The following LYPLA1 variants were observed in gnomAD, a reference collection of about 807,000 sequenced individuals.
LYPLA1 encodes the protein lysophospholipase 1, also known as acyl-protein thioesterase 1.
A neutral mutation model predicts 34.0 loss-of-function variants in LYPLA1; 17 were observed. The observed-to-expected ratio is 0.50, with a 90% confidence interval of 0.34 to 0.75. The LOEUF is 0.75. LYPLA1 is among the 30% of genes least tolerant of loss of function. The probability of loss-of-function intolerance (pLI) is 0.01; values close to 1 mark genes in which losing one functional copy is unlikely to be tolerated. For synonymous variants in LYPLA1, 98 were observed against 100.8 expected (o/e 0.97, Z 0.17); for missense variants, 203 against 288.8 (o/e 0.70, Z 2.15).
At chr8:54,051,847 CTT>C (rs757045729) in intron 7 of LYPLA1, among the ~76,000 whole-genome samples, 6 of 130,388 alleles carry the variant, frequency 4.6e-5, no homozygotes, top group Admixed American at 7.7e-5. Flanking sequence ...ATTCAGCTAT[CTT>C]TTTTTTTTTT....
At position 54,062,290 on chromosome 8, in the gene LYPLA1, C is replaced by A. The variant is rs750847085; in HGVS notation, c.250G>T (p.Glu84Ter). 1.2e-6 allele frequency: 2 copies of A among 1,607,276 alleles called. No homozygotes were observed. Among genetic ancestry groups the A allele is most frequent in the Admixed American group, 1.7e-5 (1 of 58,962 alleles). Residue 84 changes from glutamate (E) to a stop codon, truncating the protein, a stop_gained, in exon 5 of 9, where the codon GAG becomes TAG. Coordinates refer to ENST00000316963, the MANE Select transcript of LYPLA1 (RefSeq NM_006330.4). LOFTEE classifies it high-confidence loss of function. ...GCCTGTTTAATCCCAGATTCATCCT[C>A]CTGTGAATCTGGTGAAAGCCCAATA... ...DIIGLSPDSQ[E>*]DESGIKQAAE...
intron 2 of LYPLA1, among the ~76,000 whole-genome samples, chr8:54,084,133 A>AAAAAAAAAAAAAAATTTTTTTAT (rs1373090573): frequency 1.7e-5 from 2 of 120,484 alleles, no homozygotes; most frequent in Non-Finnish European, 3.1e-5. Context: ...AGAAAAAAAA[A>AAAAAAAAAAAAAAATTTTTTTAT]ATAAATAAAT....
At chr8:54,066,184 G>C (rs970508937) in intron 2 of LYPLA1, among the ~76,000 whole-genome samples, 2 of 151,970 alleles carry the variant, frequency 1.3e-5, no homozygotes, top group African/African-American at 2.4e-5. Flanking sequence ...TGATCCGCTC[G>C]CCTCGGCCTC....
intron 5 of LYPLA1, among the ~76,000 whole-genome samples, chr8:54,061,604 T>C (rs13277892): frequency 0.019 from 2,932 of 152,112 alleles, 52 homozygotes; most frequent in Non-Finnish European, 0.025. Context: ...GGAGACCCTG[T>C]GTCTACAAAA....
chr8:54,076,076 T>C (rs1773533973), intron 2 of LYPLA1, among the ~76,000 whole-genome samples: 1 of 152,196 alleles, frequency 6.6e-6, no homozygotes, highest in Non-Finnish European at 1.5e-5. Context: ...ACCACAGCAG[T>C]ATAGTGGCAC....
At chr8:54,069,569 C>T (rs1166475151) in intron 2 of LYPLA1, among the ~76,000 whole-genome samples, 2 of 152,026 alleles carry the variant, frequency 1.3e-5, no homozygotes, top group African/African-American at 4.8e-5. Flanking sequence ...TGAAAATTAG[C>T]TGGGCGTGGT....
intron 3 of LYPLA1, among the ~76,000 whole-genome samples, chr8:54,065,494 A>AT (rs1586107648): frequency 6.6e-6 from 1 of 151,638 alleles, no homozygotes; most frequent in Non-Finnish European, 1.5e-5. Context: ...AAATAAAATA[A>AT]TTTTTCTGGT....
At chr8:54,081,826 T>C (rs1232702507) in intron 2 of LYPLA1, among the ~76,000 whole-genome samples, 3 of 151,598 alleles carry the variant, frequency 2.0e-5, no homozygotes, top group Non-Finnish European at 4.4e-5. Flanking sequence ...GCCTCCCAGG[T>C]TCAAGTGATT....
intron 1 of LYPLA1, chr8:54,101,356 G>A: frequency 6.6e-6 from 7 of 1,058,836 alleles, no homozygotes; most frequent in Non-Finnish European, 8.0e-6. Flanking sequence ...TGACCTTGTA[G>A]GACACTCAAT....
chr8:54,064,271 C>A (rs1334487410), intron 3 of LYPLA1, among the ~76,000 whole-genome samples: 4 of 24 alleles, frequency 0.17, no homozygotes, highest in Non-Finnish European at 0.2. Context: ...AAAAAATTAG[C>A]CCAGGCATGG....
chr8:54,062,456 TTTAA>T (rs1215497206), intron 4 of LYPLA1, 132 bp from the exon 5 acceptor site: 34 of 326,332 alleles, frequency 1.0e-4, no homozygotes, highest in South Asian at 8.1e-4. Flanking sequence ...AATTTATCTA[TTTAA>T]TTAATTTATT....
At chr8:54,063,519 C>T (rs1806815718) in intron 3 of LYPLA1, 144 bp from the exon 4 acceptor site, 2 of 643,130 alleles carry the variant, frequency 3.1e-6, no homozygotes, top group Admixed American at 6.6e-5. Context: ...TTATTTCATC[C>T]ACACCTGTAC....
In LYPLA1 at chr8:54,065,827, C is replaced by A; in HGVS notation, c.102-14G>T. The A allele has an allele frequency of 6.3e-7, 1 of 1,594,466 alleles. No individual in the cohort carries two copies. Among genetic ancestry groups the A allele is most frequent in the Non-Finnish European group, 8.6e-7 (1 of 1,162,180 alleles). On this transcript the variant is annotated splice_polypyrimidine_tract_variant and intron_variant, in intron 2 of 8. Coordinates refer to ENST00000316963, the MANE Select transcript of LYPLA1 (RefSeq NM_006330.4). ...GCCCATCCGTGCCTGGTGGAAAAAT[C>A]ATTGAATAATGCTATTAGACACTGT...
chr8:54,061,673 T>C (rs1175814497), intron 5 of LYPLA1, among the ~76,000 whole-genome samples: 1 of 152,008 alleles, frequency 6.6e-6, no homozygotes, highest in Admixed American at 6.6e-5. Context: ...CCCAGCCTAC[T>C]CAGGAGGATG....
At chr8:54,054,904 G>C in intron 6 of LYPLA1, 156 bp downstream of exon 6, 1 of 599,686 alleles carries the variant, frequency 1.7e-6, no homozygotes, top group Non-Finnish European at 3.0e-6. Flanking sequence ...AAATTAATTA[G>C]TTCCAGTACA....
intron 2 of LYPLA1, among the ~76,000 whole-genome samples, chr8:54,081,079 A>T (rs879368189): frequency 2.6e-5 from 4 of 152,166 alleles, no homozygotes; most frequent in Admixed American, 2.6e-4. Context: ...TAAGGTATGG[A>T]CTTTATAGTT....
chr8:54,086,499 G>A (rs1475348635), intron 2 of LYPLA1, among the ~76,000 whole-genome samples: 1 of 74,598 alleles, frequency 1.3e-5, no homozygotes, highest in Non-Finnish European at 2.4e-5. Flanking sequence ...CCAAAAAAAG[G>A]AACAGTTACT....
Position 54,100,950 on chromosome 8 carries a change from A to T in LYPLA1, c.70-11T>A, listed in dbSNP as rs1473572396. On this transcript the variant is annotated splice_polypyrimidine_tract_variant and intron_variant, in intron 1 of 8. Coordinates refer to ENST00000316963, the MANE Select transcript of LYPLA1 (RefSeq NM_006330.4). ...ATGCAGGAAAATCACCTATAAGAGA[A>T]GAGGAAAATTAATAAGCAATGCCTA... The T allele has an allele frequency of 5.0e-6, 8 of 1,606,664 alleles. No individual in the cohort carries two copies. Among genetic ancestry groups the T allele is most frequent in the Non-Finnish European group, 6.8e-6 (8 of 1,173,396 alleles).
intron 3 of LYPLA1, 120 bp from the exon 4 acceptor site, chr8:54,063,495 A>G: frequency 1.5e-6 from 1 of 688,372 alleles, no homozygotes; most frequent in Non-Finnish European, 2.5e-6. Flanking sequence ...TACAGTTTTA[A>G]CATATGAACT....
Sources: allele counts gnomAD v4.1 joint callset (sites outside exome capture counted in the v4.1 genomes callset), GRCh38; gene constraint gnomAD v4.1.1; transcripts MANE v1.5; gene names NCBI Gene and HGNC (gene_info 2026-07-23, HGNC 2026-07-21).